The following CATSPER3 variants were observed in gnomAD, a reference collection of about 807,000 sequenced individuals.
CATSPER3 encodes the protein cation channel sperm-associated protein 3.
In CATSPER3, 23 loss-of-function variants were observed where a neutral mutation model predicts 36.6. The ratio of observed to expected loss-of-function variants is 0.63; its 90% confidence interval spans 0.45 to 0.89. The LOEUF (loss-of-function observed/expected upper bound fraction) is 0.89, where lower values mean the gene tolerates loss of function less well. Among genes scored for constraint, CATSPER3 ranks in the 40% least tolerant of loss-of-function variants. The pLI is 0.00. For synonymous variants in CATSPER3, 172 were observed against 184.1 expected (o/e 0.93, Z 0.53); for missense variants, 474 against 503.9 (o/e 0.94, Z 0.57).
At chr5:134,981,555 A>G (rs1372844253) in intron 2 of CATSPER3, among the ~76,000 whole-genome samples, 3 of 152,210 alleles carry the variant, frequency 2.0e-5, no homozygotes, top group Non-Finnish European at 4.4e-5. Context: ...TAGAGACTTC[A>G]GAGATCACAC....
chr5:134,987,605 A>G (rs569280692), intron 2 of CATSPER3, among the ~76,000 whole-genome samples: 1 of 152,338 alleles, frequency 6.6e-6, no homozygotes, highest in South Asian at 2.1e-4. Flanking sequence ...TAGCAGGATT[A>G]TACACCACGA....
At chr5:134,974,470 T>C (rs1751644341) in intron 2 of CATSPER3, among the ~76,000 whole-genome samples, 1 of 152,174 alleles carries the variant, frequency 6.6e-6, no homozygotes, top group Non-Finnish European at 1.5e-5. Flanking sequence ...AATTGGGATG[T>C]GGGACATGTG....
chr5:135,000,802 C>G (rs921079217), intron 3 of CATSPER3, among the ~76,000 whole-genome samples: 3 of 151,800 alleles, frequency 2.0e-5, no homozygotes, highest in African/African-American at 7.3e-5. Context: ...CTATTTGATT[C>G]TTCTCTCTTT....
At chr5:134,977,637 G>A (rs186928812) in intron 2 of CATSPER3, among the ~76,000 whole-genome samples, 119 of 152,172 alleles carry the variant, frequency 7.8e-4, no homozygotes, top group Non-Finnish European at 1.4e-3. Context: ...CATTCTCCCT[G>A]TTACTTAGTT....
At chr5:134,979,651 G>A (rs1420955029) in intron 2 of CATSPER3, among the ~76,000 whole-genome samples, 1 of 152,212 alleles carries the variant, frequency 6.6e-6, no homozygotes, top group African/African-American at 2.4e-5. Flanking sequence ...TGAAGTGTAG[G>A]AAGAAAGGCC....
At chr5:134,988,850 T>C (rs568644785) in intron 2 of CATSPER3, among the ~76,000 whole-genome samples, 1 of 152,206 alleles carries the variant, frequency 6.6e-6, no homozygotes, top group South Asian at 2.1e-4. Flanking sequence ...GATGGTGAAT[T>C]CTTTCCAGAA....
At chr5:135,006,286 C>G (rs1052276375) in intron 3 of CATSPER3, among the ~76,000 whole-genome samples, 1 of 152,186 alleles carries the variant, frequency 6.6e-6, no homozygotes, top group Non-Finnish European at 1.5e-5. Flanking sequence ...CACTGCTGCT[C>G]TAAAGGTTGC....
chr5:134,978,317 T>A (rs1008877464), intron 2 of CATSPER3, among the ~76,000 whole-genome samples: 2 of 152,198 alleles, frequency 1.3e-5, no homozygotes, highest in South Asian at 2.1e-4. Flanking sequence ...AATGTTCTTA[T>A]CACAAAGAAA....
intron 2 of CATSPER3, among the ~76,000 whole-genome samples, chr5:134,991,544 A>G (rs1056355282): frequency 1.1e-4 from 16 of 152,198 alleles, no homozygotes; most frequent in Non-Finnish European, 2.2e-4. Flanking sequence ...TCAATGGGGA[A>G]AGAGTAGTAG....
intron 2 of CATSPER3, among the ~76,000 whole-genome samples, chr5:134,993,287 A>G (rs890742678): frequency 2.0e-5 from 3 of 152,206 alleles, no homozygotes; most frequent in Admixed American, 1.3e-4. Context: ...TAGACTAGAG[A>G]TTACCTAGGG....
chr5:134,976,220 A>G (rs1751671388), intron 2 of CATSPER3, among the ~76,000 whole-genome samples: 1 of 152,148 alleles, frequency 6.6e-6, no homozygotes, highest in Non-Finnish European at 1.5e-5. Context: ...GCTTCTGGTG[A>G]TGCTGGCACC....
At chr5:134,981,212 C>T (rs571516185) in intron 2 of CATSPER3, among the ~76,000 whole-genome samples, 32 of 151,886 alleles carry the variant, frequency 2.1e-4, no homozygotes, top group Admixed American at 1.1e-3. Flanking sequence ...CTCTGTTGGC[C>T]GGGCACAGTG....
intron 3 of CATSPER3, among the ~76,000 whole-genome samples, chr5:135,002,782 G>A (rs1326662087): frequency 3.9e-5 from 6 of 152,076 alleles, no homozygotes; most frequent in East Asian, 1.9e-4. Flanking sequence ...CGTAGTTCTC[G>A]TACCATGGTT....
intron 2 of CATSPER3, among the ~76,000 whole-genome samples, chr5:134,973,937 A>T (rs1751637384): frequency 6.6e-6 from 1 of 152,088 alleles, no homozygotes; most frequent in South Asian, 2.1e-4. Flanking sequence ...TACTGACCTT[A>T]TGTGAACTGC....
chr5:134,984,173 A>C lies in CATSPER3; in HGVS notation c.253-12100A>C, dbSNP rs140054031. ...AGACTTACATCTAACACCTGAAACC[A>C]CAAAAATTCTAGAAGGCAACCTGGG... is the stretch of plus-strand genomic sequence containing the variant. On this transcript the variant is annotated intron_variant, in intron 2 of 7. Transcript: ENST00000282611. Among the ~76,000 whole-genome samples, 184 of 152,310 alleles carry C rather than the reference A, an allele frequency of 1.2e-3. 1 individual carries two copies. The highest frequency in any genetic ancestry group is 3.4e-3 in the African/African-American group (143 of 41,572).
intron 3 of CATSPER3, among the ~76,000 whole-genome samples, chr5:134,999,090 A>G (rs959301790): frequency 6.6e-6 from 1 of 152,032 alleles, no homozygotes; most frequent in Non-Finnish European, 1.5e-5. Context: ...TAATTTTTGT[A>G]TAAGGTGTAA....
At chr5:134,989,996 G>A (rs1440885000) in intron 2 of CATSPER3, among the ~76,000 whole-genome samples, 1 of 152,152 alleles carries the variant, frequency 6.6e-6, no homozygotes, top group Non-Finnish European at 1.5e-5. Flanking sequence ...GAATAAGGAG[G>A]CCCCAGGAGA....
chr5:134,976,472 A>G (rs1339462619), intron 2 of CATSPER3, among the ~76,000 whole-genome samples: 1 of 151,798 alleles, frequency 6.6e-6, no homozygotes, highest in African/African-American at 2.4e-5. Context: ...GCTCCACCCC[A>G]GTGGCTTTGC....
intron 2 of CATSPER3, among the ~76,000 whole-genome samples, chr5:134,982,234 C>T (rs545337594): frequency 1.3e-5 from 2 of 152,150 alleles, no homozygotes; most frequent in East Asian, 1.9e-4. Flanking sequence ...CTAATATACA[C>T]ATAATAGGGG....
Sources: allele counts gnomAD v4.1 joint callset (sites outside exome capture counted in the v4.1 genomes callset), GRCh38; gene constraint gnomAD v4.1.1; transcripts MANE v1.5; gene names NCBI Gene and HGNC (gene_info 2026-07-23, HGNC 2026-07-21).